BMP5: variants seen among roughly 807,000 people sequenced by gnomAD.
BMP5 encodes the protein bone morphogenetic protein 5.
BMP5 carries 23 observed loss-of-function variants against 46.6 expected under a neutral mutation model. That is an observed-to-expected ratio of 0.49 (90% CI 0.35 to 0.70). The LOEUF is 0.70. BMP5 is among the 30% of genes least tolerant of loss of function. The pLI is 0.00. For missense variants in BMP5, 545 were observed against 565.6 expected (o/e 0.96, Z 0.37); for synonymous variants, 204 against 191.9 (o/e 1.06, Z -0.52).
chr6:55,797,272 A>T (rs1775738349), intron 2 of BMP5, among the ~76,000 whole-genome samples: 1 of 152,234 alleles, frequency 6.6e-6, no homozygotes, highest in African/African-American at 2.4e-5. Context: ...TACTACCGGG[A>T]ATAGTAAAAT....
intron 2 of BMP5, among the ~76,000 whole-genome samples, chr6:55,802,605 G>A (rs1486242600): frequency 6.6e-6 from 1 of 151,796 alleles, no homozygotes; most frequent in Non-Finnish European, 1.5e-5. Context: ...TGATAGCATA[G>A]TAAAAGAAGG....
At position 55,807,350 on chromosome 6, in the gene BMP5, T is replaced by C. The variant is rs1776015393; in HGVS notation, c.683+12305A>G. The stretch of plus-strand genomic sequence containing the variant: ...TGATTTTTGTCATTGGTTCTGTTTA[T>C]GTGATGGATTACATTTATTGATTTG... On this transcript the variant is annotated intron_variant, in intron 2 of 6. Coordinates refer to ENST00000370830, the MANE Select transcript of BMP5 (RefSeq NM_021073.4). Among the ~76,000 whole-genome samples the C allele has an allele frequency of 2.0e-5, 3 of 152,256 alleles. No homozygotes were observed. In the South Asian group the frequency reaches 6.2e-4, roughly 31 times the overall value.
chr6:55,835,034 C>A (rs1289704211), intron 1 of BMP5, among the ~76,000 whole-genome samples: 1 of 150,574 alleles, frequency 6.6e-6, no homozygotes. Context: ...TGAAGTGAGA[C>A]GAAGTTGTGC....
At chr6:55,814,875 A>G (rs1166234883) in intron 2 of BMP5, among the ~76,000 whole-genome samples, 6 of 152,210 alleles carry the variant, frequency 3.9e-5, no homozygotes, top group Non-Finnish European at 8.8e-5. Context: ...CACGCCTGTA[A>G]TCCCAACACT....
At chr6:55,837,667 C>T (rs1473387886) in intron 1 of BMP5, among the ~76,000 whole-genome samples, 4 of 152,140 alleles carry the variant, frequency 2.6e-5, no homozygotes, top group Non-Finnish European at 5.9e-5. Flanking sequence ...TCCAATTATA[C>T]TCTTTCAGTT....
intron 3 of BMP5, among the ~76,000 whole-genome samples, chr6:55,787,835 T>C (rs1025000176): frequency 2.6e-5 from 4 of 151,752 alleles, no homozygotes; most frequent in East Asian, 1.9e-4. Context: ...AAACTGTTGG[T>C]ACTTTTAGAA....
chr6:55,838,092 G>T (rs920461803), intron 1 of BMP5, among the ~76,000 whole-genome samples: 1 of 152,116 alleles, frequency 6.6e-6, no homozygotes, highest in Admixed American at 6.6e-5. Context: ...CCAAATCTTA[G>T]CTATTGTAAA....
At chr6:55,856,259 G>A (rs564803990) in intron 1 of BMP5, among the ~76,000 whole-genome samples, 1 of 152,280 alleles carries the variant, frequency 6.6e-6, no homozygotes, top group African/African-American at 2.4e-5. Flanking sequence ...CAATGGGTGT[G>A]TCACTGCTTA....
intron 4 of BMP5, among the ~76,000 whole-genome samples, chr6:55,763,099 C>T (rs1433820144): frequency 1.3e-5 from 2 of 152,012 alleles, no homozygotes; most frequent in Non-Finnish European, 2.9e-5. Flanking sequence ...TTAGGCCTTA[C>T]TTTTTCAAAC....
At chr6:55,815,008 C>G (rs1003522164) in intron 2 of BMP5, among the ~76,000 whole-genome samples, 3 of 151,718 alleles carry the variant, frequency 2.0e-5, no homozygotes, top group Admixed American at 6.6e-5. Context: ...TGGTGGGTGC[C>G]TGTAGTCCCA....
chr6:55,777,972 A>G (rs1417465393), intron 3 of BMP5, among the ~76,000 whole-genome samples: 1 of 152,020 alleles, frequency 6.6e-6, no homozygotes, highest in East Asian at 1.9e-4. Flanking sequence ...TTGGGTCAGG[A>G]TGGCAGCAAC....
At chr6:55,805,866 T>C (rs1178320444) in intron 2 of BMP5, among the ~76,000 whole-genome samples, 2 of 152,238 alleles carry the variant, frequency 1.3e-5, no homozygotes, top group Non-Finnish European at 2.9e-5. Context: ...ATAAATGTCT[T>C]CTTTTGAGAA....
In BMP5 at chr6:55,754,441, T is replaced by C. The variant is rs1774528678; in HGVS notation, c.*1092A>G. The stretch of plus-strand genomic sequence containing the variant: ...TTTTCATTGAGCTCACTCTCAAAGA[T>C]ATGAAAAATGAATTTCAGCTGTTCT... On this transcript the variant is annotated 3_prime_UTR_variant, in exon 7 of 7. Coordinates refer to ENST00000370830, the MANE Select transcript of BMP5 (RefSeq NM_021073.4). 2 of 151,920 alleles carry C rather than the reference T, an allele frequency of 1.3e-5. No homozygotes were observed. The highest frequency in any genetic ancestry group is 6.6e-5 in the Admixed American group (1 of 15,202). The allele number at this position is 151,920 out of a possible 1,614,324, so 9.4% of individuals were successfully genotyped here. A position where few individuals can be genotyped will look rare whatever the true frequency, so the allele number is the denominator to read the frequency against.
chr6:55,803,296 C>CAAACA (rs1425317302), intron 2 of BMP5, among the ~76,000 whole-genome samples: 2 of 146,190 alleles, frequency 1.4e-5, no homozygotes, highest in Non-Finnish European at 3.0e-5. Context: ...AGCTCTGCCT[C>CAAACA]AAACAAAACA....
intron 1 of BMP5, among the ~76,000 whole-genome samples, chr6:55,851,747 T>G (rs565742310): frequency 6.6e-6 from 1 of 152,224 alleles, no homozygotes; most frequent in Non-Finnish European, 1.5e-5. Context: ...ACACTTGTCA[T>G]GGCCACAGTG....
In BMP5 at chr6:55,875,030, C is replaced by T; in HGVS notation, c.-165G>A. The stretch of plus-strand genomic sequence containing the variant: ...GAGCACAACATCCTCACCGATTTTC[C>T]TGTCCTATTTTAAATATTTTGGAAT... On this transcript the variant is annotated 5_prime_UTR_variant, in exon 1 of 7. Coordinates refer to ENST00000370830, the MANE Select transcript of BMP5 (RefSeq NM_021073.4). 1.3e-6 allele frequency: 1 copy of T among 744,452 alleles called. No homozygotes were observed. The highest frequency in any genetic ancestry group is 2.7e-5 in the East Asian group (1 of 37,224). The allele number at this position is 744,452 out of a possible 1,614,324, so 46.1% of individuals were successfully genotyped here. A position where few individuals can be genotyped will look rare whatever the true frequency, so the allele number is the denominator to read the frequency against.
At position 55,817,006 on chromosome 6, in the gene BMP5, T is replaced by A. The variant is rs183391529; in HGVS notation, c.683+2649A>T. Among the ~76,000 whole-genome samples the A allele has an allele frequency of 2.0e-5, 3 of 152,144 alleles. No homozygotes were observed. In the East Asian group the frequency reaches 5.8e-4, roughly 29 times the overall value. On this transcript the variant is annotated intron_variant, in intron 2 of 6. Coordinates refer to ENST00000370830, the MANE Select transcript of BMP5 (RefSeq NM_021073.4). ...AACAGACACATGAAAAAAACGCTCA[T>A]CATCACTGGCCATCAGAGAAATGCA...
intron 2 of BMP5, among the ~76,000 whole-genome samples, chr6:55,798,559 CTA>C (rs1367737306): frequency 6.6e-6 from 1 of 152,050 alleles, no homozygotes; most frequent in Non-Finnish European, 1.5e-5. Flanking sequence ...ATAATTTCCT[CTA>C]TGGTTAATAA....
At chr6:55,829,259 C>T (rs1776604281) in intron 1 of BMP5, among the ~76,000 whole-genome samples, 1 of 151,774 alleles carries the variant, frequency 6.6e-6, no homozygotes, top group African/African-American at 2.4e-5. Context: ...TACTACCGTA[C>T]ACTCTTCCTT....
Sources: allele counts gnomAD v4.1 joint callset (sites outside exome capture counted in the v4.1 genomes callset), GRCh38; gene constraint gnomAD v4.1.1; transcripts MANE v1.5; gene names NCBI Gene and HGNC (gene_info 2026-07-23, HGNC 2026-07-21).